KLHL13: variants seen among roughly 807,000 people sequenced by gnomAD.
KLHL13 encodes the protein kelch-like protein 13.
In KLHL13, 10 loss-of-function variants were observed where a neutral mutation model predicts 37.1. The ratio of observed to expected loss-of-function variants is 0.27; its 90% CI spans 0.17 to 0.46. The LOEUF (loss-of-function observed/expected upper bound fraction) is 0.46. Ranked by LOEUF, KLHL13 falls within the 20% of genes least tolerant of loss-of-function variation. The pLI, the probability that KLHL13 is intolerant of heterozygous loss-of-function variation, is 1.00. For synonymous variants in KLHL13, 163 were observed against 181.2 expected, an observed-to-expected ratio of 0.90 and a Z score of 0.81; for missense variants, 360 against 509.3, an observed-to-expected ratio of 0.71 and a Z score of 2.82.
chrX:118,078,484 T>A (rs1252007003), intron 1 of KLHL13, among the ~76,000 whole-genome samples: 1 of 111,712 alleles, frequency 9.0e-6, no homozygotes, highest in Admixed American at 9.5e-5. Context: ...TTTCCCAGAA[T>A]GTCATATAAA....
At chrX:118,109,916 G>A (rs1042083752) in intron 1 of KLHL13, among the ~76,000 whole-genome samples, 11 of 111,530 alleles carry the variant, frequency 9.9e-5, no homozygotes, top group African/African-American at 3.6e-4. Flanking sequence ...GCTCATGCCT[G>A]TAATCCCAAT....
At chrX:118,011,408 GA>G (rs1427809242) in intron 1 of KLHL13, among the ~76,000 whole-genome samples, 1 of 108,296 alleles carries the variant, frequency 9.2e-6, no homozygotes, top group Non-Finnish European at 1.9e-5. Flanking sequence ...TTACATTTCA[GA>G]AAGATCATTA....
chrX:118,053,846 A>AGAGGAG (rs2054652867), intron 1 of KLHL13, among the ~76,000 whole-genome samples: 1 of 27,952 alleles, frequency 3.6e-5, no homozygotes, highest in African/African-American at 2.4e-4. Flanking sequence ...AGAGAGAGAG[A>AGAGGAG]GAGGAGAGAG....
At chrX:117,943,798 C>G (rs760444536) in intron 2 of KLHL13, among the ~76,000 whole-genome samples, 1 of 109,591 alleles carries the variant, frequency 9.1e-6, no homozygotes, top group South Asian at 4.0e-4. Context: ...GAGGAGTTTG[C>G]TGTTACCTAC....
chrX:117,950,143 C>CT (rs1263509409), intron 1 of KLHL13, among the ~76,000 whole-genome samples: 1 of 112,581 alleles, frequency 8.9e-6, no homozygotes, highest in Non-Finnish European at 1.9e-5. Flanking sequence ...ACAATATATG[C>CT]TAAAAACTCA....
At chrX:117,909,204 C>T in intron 5 of KLHL13, 97 bp downstream of exon 6, 2 of 743,356 alleles carry the variant, frequency 2.7e-6, no homozygotes, top group Non-Finnish European at 3.8e-6. Context: ...ACCCTAACTA[C>T]ATTTTTATCT....
intron 1 of KLHL13, among the ~76,000 whole-genome samples, chrX:118,033,763 G>A (rs1245996624): frequency 9.1e-6 from 1 of 110,182 alleles, no homozygotes; most frequent in Admixed American, 9.7e-5. Flanking sequence ...AGGTAAATGG[G>A]CTAAATGCTC....
chrX:118,016,148 G>C (rs2054126665), intron 1 of KLHL13, among the ~76,000 whole-genome samples: 1 of 111,732 alleles, frequency 8.9e-6, no homozygotes, highest in Admixed American at 9.5e-5. Context: ...TATAATTTTA[G>C]ACTTTTAAAA....
intron 1 of KLHL13, among the ~76,000 whole-genome samples, chrX:117,989,917 A>G (rs1013127245): frequency 2.7e-5 from 3 of 111,028 alleles, no homozygotes; most frequent in African/African-American, 9.8e-5. Context: ...GTCTCCCTAG[A>G]CTATAAATTC....
chrX:117,925,319 G>T (rs899693753), intron 2 of KLHL13, among the ~76,000 whole-genome samples: 3 of 111,569 alleles, frequency 2.7e-5, no homozygotes, highest in African/African-American at 9.8e-5. Flanking sequence ...ATCTAGTTTT[G>T]ATCATTGTCA....
intron 1 of KLHL13, among the ~76,000 whole-genome samples, chrX:118,029,838 T>C (rs2054316496): frequency 9.1e-6 from 1 of 110,016 alleles, no homozygotes; most frequent in Non-Finnish European, 1.9e-5. Context: ...CATGGTGGTA[T>C]GTGCCTGTAG....
chrX:118,070,204 T>C (rs1405962081), intron 1 of KLHL13, among the ~76,000 whole-genome samples: 1 of 112,144 alleles, frequency 8.9e-6, no homozygotes, highest in Non-Finnish European at 1.9e-5. Context: ...TTTCTCAGAA[T>C]GTATACCTGT....
At chrX:118,032,468 C>T (rs1199783125) in intron 1 of KLHL13, among the ~76,000 whole-genome samples, 1 of 111,800 alleles carries the variant, frequency 8.9e-6, no homozygotes, top group Non-Finnish European at 1.9e-5. Flanking sequence ...GAGGCACCCC[C>T]CAGCAGGGGC....
chrX:118,046,792 G>GGTA (rs2054565531), intron 1 of KLHL13, among the ~76,000 whole-genome samples: 1 of 111,580 alleles, frequency 9.0e-6, no homozygotes, highest in African/African-American at 3.3e-5. Context: ...CAGAGAGAAC[G>GGTA]GTAGGAGGGA....
At chrX:118,091,392 T>C (rs1383298438) in intron 1 of KLHL13, among the ~76,000 whole-genome samples, 2 of 111,313 alleles carry the variant, frequency 1.8e-5, no homozygotes, top group Admixed American at 9.6e-5. Context: ...ATGAAAACAT[T>C]TGAAACCAAG....
chrX:118,050,494 T>C (rs999875018), intron 1 of KLHL13, among the ~76,000 whole-genome samples: 2 of 111,751 alleles, frequency 1.8e-5, no homozygotes, highest in Non-Finnish European at 3.8e-5. Context: ...CAATTCTTAC[T>C]TATCTATAGG....
intron 2 of KLHL13, among the ~76,000 whole-genome samples, chrX:117,921,634 T>C (rs1931708648): frequency 8.9e-6 from 1 of 112,305 alleles, no homozygotes; most frequent in South Asian, 3.7e-4. Context: ...CTTCATATTT[T>C]AATGACTTCA....
At chrX:118,096,471 T>C (rs1323383847) in intron 1 of KLHL13, among the ~76,000 whole-genome samples, 1 of 111,631 alleles carries the variant, frequency 9.0e-6, no homozygotes, top group Non-Finnish European at 1.9e-5. Flanking sequence ...CAGGATCAGA[T>C]GGATTCACAG....
chrX:117,910,158 G>T, intron 4 of KLHL13, 62 bp from the exon 6 acceptor site: 1 of 782,813 alleles, frequency 1.3e-6, no homozygotes, highest in Non-Finnish European at 1.8e-6. Context: ...CATCTTGATA[G>T]CACAAATACC....
Sources: gnomAD v4.1 joint callset for allele counts (sites outside exome capture counted in the v4.1 genomes callset) on GRCh38, gnomAD v4.1.1 for gene constraint, MANE v1.5 for transcripts, NCBI Gene and HGNC (gene_info 2026-07-23, HGNC 2026-07-21) for gene names.